Variants in ERH observed in about 807,000 individuals in gnomAD.
ERH encodes the protein ERH mRNA splicing and mitosis factor.
A neutral mutation model predicts 16.8 loss-of-function variants in ERH; 1 was observed. The ratio of observed to expected loss-of-function variants is 0.06; its 90% CI spans 0.02 to 0.28. The LOEUF (loss-of-function observed/expected upper bound fraction) is 0.28. Among genes scored for constraint, ERH ranks in the 10% least tolerant of loss-of-function variants. The pLI is 1.00. For missense variants in ERH, 42 were observed against 127.5 expected, an observed-to-expected ratio of 0.33 and a Z score of 3.23; for synonymous variants, 43 against 43.6, an observed-to-expected ratio of 0.99 and a Z score of 0.05.
rs1882244995 is a variant in ERH at position 69,392,655 on chromosome 14, A to G, written c.91+2170T>C. Among the ~76,000 whole-genome samples, 3 of 152,342 alleles carry G rather than the reference A, an allele frequency of 2.0e-5. No homozygotes were observed. The South Asian group carries it at 6.2e-4, about 32-fold the overall frequency. On this transcript the variant is annotated intron_variant, in intron 2 of 3. Transcript: ENST00000557016. ...AATCCACAGTAATGTAGGACATAAG[A>G]ATGAAACCTAGTATGAACTATGAAC...
At chr14:69,396,419 G>A (rs993064049) in intron 1 of ERH, among the ~76,000 whole-genome samples, 4 of 152,184 alleles carry the variant, frequency 2.6e-5, no homozygotes, top group African/African-American at 9.7e-5. Context: ...GCACCACCAT[G>A]CTCGGCTAAT....
At chr14:69,389,494 C>T (rs147698007) in intron 2 of ERH, among the ~76,000 whole-genome samples, 1 of 152,104 alleles carries the variant, frequency 6.6e-6, no homozygotes, top group South Asian at 2.1e-4. Flanking sequence ...GGAAGAAGTA[C>T]AGCCATCATT....
intron 3 of ERH, 173 bp downstream of exon 3, chr14:69,386,790 G>T: frequency 3.8e-6 from 2 of 526,838 alleles, no homozygotes; most frequent in Non-Finnish European, 6.3e-6. Context: ...TGTGCCTTTG[G>T]CTTTATGTTG....
At position 69,390,979 on chromosome 14, in the gene ERH, A is replaced by C. The variant is rs957926126; in HGVS notation, c.91+3846T>G. On this transcript the variant is annotated intron_variant, in intron 2 of 3. Coordinates refer to ENST00000557016, the MANE Select transcript of ERH (RefSeq NM_004450.3). Reference sequence around the variant, plus strand: ...ATGGCTAAAATCTAAATCAGTGACAACACCAAATGCTGGTAAGGATGTGGA... The same window carrying C: ...ATGGCTAAAATCTAAATCAGTGACACCACCAAATGCTGGTAAGGATGTGGA... Among the ~76,000 whole-genome samples, 6 of 152,336 alleles carry C rather than the reference A, an allele frequency of 3.9e-5. No individual in the cohort carries two copies. The East Asian group carries it at 9.6e-4, about 24-fold the overall frequency.
intron 3 of ERH, among the ~76,000 whole-genome samples, chr14:69,383,138 T>C (rs1049262483): frequency 1.3e-5 from 2 of 152,226 alleles, no homozygotes; most frequent in Non-Finnish European, 2.9e-5. Flanking sequence ...ATTATTTTCA[T>C]CTTACAAAAA....
intron 3 of ERH, among the ~76,000 whole-genome samples, chr14:69,382,468 T>C (rs1447602323): frequency 6.6e-5 from 10 of 151,864 alleles, no homozygotes; most frequent in Admixed American, 6.6e-4. Context: ...TTTATACCAT[T>C]CCCCCCAACA....
At chr14:69,387,766 C>T (rs973704218) in intron 2 of ERH, among the ~76,000 whole-genome samples, 2 of 151,374 alleles carry the variant, frequency 1.3e-5, no homozygotes, top group Non-Finnish European at 2.9e-5. Context: ...TAGACTAGGC[C>T]GGGCACAGTG....
intron 2 of ERH, among the ~76,000 whole-genome samples, chr14:69,388,321 T>C (rs915206419): frequency 3.3e-5 from 5 of 152,216 alleles, no homozygotes; most frequent in African/African-American, 7.2e-5. Context: ...TAATTAGCTA[T>C]AGAGTATATT....
At chr14:69,386,665 G>A in intron 3 of ERH, 1 of 224,320 alleles carries the variant, frequency 4.5e-6, no homozygotes, top group African/African-American at 2.3e-5. Context: ...TTAAGACAAA[G>A]ACTGTAAAGG....
At chr14:69,395,237 T>C (rs1157564254) in intron 1 of ERH, among the ~76,000 whole-genome samples, 4 of 152,062 alleles carry the variant, frequency 2.6e-5, no homozygotes, top group Admixed American at 2.6e-4. Context: ...CCCAGGAGGC[T>C]GAGACTGCAG....
chr14:69,393,892 G>T (rs867019322), intron 2 of ERH, among the ~76,000 whole-genome samples: 1 of 152,078 alleles, frequency 6.6e-6, no homozygotes, highest in Non-Finnish European at 1.5e-5. Flanking sequence ...GTGGCGGCAG[G>T]TGCCTCTAGT....
intron 3 of ERH, among the ~76,000 whole-genome samples, chr14:69,381,940 C>G (rs2140227623): frequency 6.6e-6 from 1 of 152,354 alleles, no homozygotes; most frequent in Admixed American, 6.5e-5. Flanking sequence ...ATCCAGCCGC[C>G]TCGGCCGCCC....
intron 3 of ERH, among the ~76,000 whole-genome samples, chr14:69,381,417 A>G (rs1027572272): frequency 3.9e-5 from 6 of 152,220 alleles, no homozygotes; most frequent in African/African-American, 1.4e-4. Context: ...TCTTAAACCT[A>G]TATTTTAGGA....
At chr14:69,387,406 A>G (rs1473364160) in intron 2 of ERH, among the ~76,000 whole-genome samples, 1 of 152,152 alleles carries the variant, frequency 6.6e-6, no homozygotes, top group East Asian at 1.9e-4. Context: ...ACAAAAATTA[A>G]AAAATTAGCC....
At chr14:69,395,994 G>A (rs1191060898) in intron 1 of ERH, among the ~76,000 whole-genome samples, 1 of 152,058 alleles carries the variant, frequency 6.6e-6, no homozygotes, top group Non-Finnish European at 1.5e-5. Flanking sequence ...ATTACCTTTT[G>A]GGTTGACTGA....
chr14:69,395,789 G>C (rs1882320081), intron 1 of ERH, among the ~76,000 whole-genome samples: 1 of 152,176 alleles, frequency 6.6e-6, no homozygotes, highest in Admixed American at 6.5e-5. Context: ...TAGATGACTT[G>C]CCTTACTGGG....
At chr14:69,398,191 C>A (rs1346868487) in intron 1 of ERH, 40 bp downstream of exon 1, 3 of 1,613,618 alleles carry the variant, frequency 1.9e-6, no homozygotes, top group Middle Eastern at 1.7e-4. Flanking sequence ...CTCTGGAGGC[C>A]GGGGACTCGG....
In ERH at chr14:69,380,573, GCAC is replaced by G; in HGVS notation, c.277_279del (p.Val93del). 6.2e-7 allele frequency: 1 copy of G among 1,608,928 alleles called. No individual in the cohort carries two copies. The highest frequency in any genetic ancestry group is 1.7e-5 in the Admixed American group (1 of 59,534). Reference sequence around the variant, plus strand: ...GCCTGTTGGGCCTGCCGACGAAGGAGCACGTAGATCTTCTCTTTAATCCAGTCT... The same window carrying G: ...GCCTGTTGGGCCTGCCGACGAAGGAGGTAGATCTTCTCTTTAATCCAGTCT... On this transcript the variant is annotated inframe_deletion, in exon 4 of 4. Transcript: ENST00000557016.
At chr14:69,380,880 G>C (rs1320362069) in intron 3 of ERH, among the ~76,000 whole-genome samples, 3 of 151,856 alleles carry the variant, frequency 2.0e-5, no homozygotes, top group African/African-American at 7.3e-5. Flanking sequence ...TAAGTTAAAT[G>C]CCCAATATGT....
Sources: allele counts gnomAD v4.1 joint callset (sites outside exome capture counted in the v4.1 genomes callset), GRCh38; gene constraint gnomAD v4.1.1; transcripts MANE v1.5; gene names NCBI Gene and HGNC (gene_info 2026-07-23, HGNC 2026-07-21).